Variants in PISD observed in about 807,000 individuals in gnomAD.
The protein encoded by PISD is phosphatidylserine decarboxylase.
A neutral mutation model predicts 43.5 loss-of-function variants in PISD; 31 were observed. The ratio of observed to expected loss-of-function variants is 0.71; its 90% CI spans 0.54 to 0.96. The LOEUF (loss-of-function observed/expected upper bound fraction) is 0.96. Among genes scored for constraint, PISD ranks in the 40% least tolerant of loss-of-function variants. The probability of loss-of-function intolerance (pLI) is 0.00; values close to 1 mark genes in which losing one functional copy is unlikely to be tolerated. For synonymous variants in PISD, 259 were observed against 228.7 expected, an observed-to-expected ratio of 1.13 and a Z score of -1.20; for missense variants, 523 against 548.4, an observed-to-expected ratio of 0.95 and a Z score of 0.46.
intron 3 of PISD, among the ~76,000 whole-genome samples, chr22:31,646,683 G>A (rs1199150246): frequency 6.6e-6 from 1 of 152,162 alleles, no homozygotes; most frequent in Non-Finnish European, 1.5e-5. Context: ...GGGGGGTCAT[G>A]CAGTCACAGT....
chr22:31,620,536 G>T lies in PISD; in HGVS notation c.1005+17C>A. On this transcript the variant is annotated intron_variant, in intron 7 of 7. Coordinates refer to ENST00000439502, the MANE Select transcript of PISD (RefSeq NM_001326411.2). ...GGTCTGGCCCTTGGGCTTTGGCAGG[G>T]CCTAGATCCTGCTTACCCGGTCAAA... The T allele has an allele frequency of 3.7e-6, 6 of 1,613,724 alleles. No homozygotes were observed. The highest frequency in any genetic ancestry group is 4.2e-6 in the Non-Finnish European group (5 of 1,179,642).
upstream of PISD, chr22:31,662,308 C>CG: frequency 7.9e-7 from 1 of 1,266,468 alleles, no homozygotes. Flanking sequence ...GAGAAAAGCG[C>CG]GGGTTGGGGG....
At chr22:31,647,412 A>G (rs1332776804) in intron 3 of PISD, among the ~76,000 whole-genome samples, 1 of 152,226 alleles carries the variant, frequency 6.6e-6, no homozygotes, top group East Asian at 1.9e-4. Flanking sequence ...GATATCACAA[A>G]GCCTCAACTG....
intron 2 of PISD, among the ~76,000 whole-genome samples, chr22:31,649,625 C>T (rs1358721193): frequency 2.6e-5 from 4 of 151,666 alleles, no homozygotes; most frequent in Admixed American, 6.6e-5. Flanking sequence ...CCCAGCTACT[C>T]GGGAGGCTGA....
intron 1 of PISD, among the ~76,000 whole-genome samples, chr22:31,657,264 T>C (rs2074205781): frequency 6.6e-6 from 1 of 151,446 alleles, no homozygotes; most frequent in East Asian, 2.0e-4. Flanking sequence ...GCCTCCCGAG[T>C]AGCTGGGATT....
chr22:31,650,649 AC>A (rs2074006551), intron 2 of PISD, 49 bp downstream of exon 2: 1 of 1,090,540 alleles, frequency 9.2e-7, no homozygotes, highest in Non-Finnish European at 1.4e-6. Context: ...TTTACAGATG[AC>A]CAAACTGAGG....
chr22:31,619,539 G>A lies in PISD; in HGVS notation c.*73C>T. On this transcript the variant is annotated 3_prime_UTR_variant, in exon 8 of 8. Transcript: ENST00000439502. ...CAGGCCCTTACCTGGATGGCCTCAT[G>A]GGCCTCCCTCTTGAAAAGACCCTCA... 1.6e-6 allele frequency: 2 copies of A among 1,287,496 alleles called. No homozygotes were observed. The highest frequency in any genetic ancestry group is 2.2e-6 in the Non-Finnish European group (2 of 894,740). The allele number at this position is 1,287,496 out of a possible 1,614,324, so 79.8% of individuals were successfully genotyped here.
chr22:31,660,941 G>T (rs1043069859), intron 1 of PISD, among the ~76,000 whole-genome samples: 1 of 152,006 alleles, frequency 6.6e-6, no homozygotes, highest in African/African-American at 2.4e-5. Flanking sequence ...CACCACATTG[G>T]CCAGGCTGGT....
intron 1 of PISD, 135 bp downstream of exon 1, chr22:31,662,009 C>T: frequency 1.3e-6 from 1 of 760,388 alleles, no homozygotes; most frequent in South Asian, 1.5e-5. Context: ...TGCTCCTAAG[C>T]TCGAGGTGAA....
rs771417980 is a variant in PISD at position 31,621,697 on chromosome 22, C to T, written c.510G>A (p.Arg170=). Reference sequence around the variant, plus strand: ...GCCGGGCCTGCGGCTTCAGCTTGCGCCGGAAGAACTCGCTGAGGTTGCGGT... The same window carrying T: ...GCCGGGCCTGCGGCTTCAGCTTGCGTCGGAAGAACTCGCTGAGGTTGCGGT... ...HHYRNLSEFF[R]RKLKPQARPV... is the part of the protein sequence containing the mutation. The change falls in exon 4 of 8, where the codon CGG becomes CGA. Residue 170 remains arginine, a synonymous_variant. Transcript: ENST00000439502. The T allele has an allele frequency of 1.1e-5, 18 of 1,613,874 alleles. No individual in the cohort carries two copies. The South Asian group carries it at 1.9e-4, about 17-fold the overall frequency.
Position 31,648,235 on chromosome 22 carries a change from G to A in PISD, c.187C>T (p.Leu63=). The A allele has an allele frequency of 6.2e-7, 1 of 1,611,850 alleles. No individual in the cohort carries two copies. Among genetic ancestry groups the A allele is most frequent in the Non-Finnish European group, 8.5e-7 (1 of 1,179,538 alleles). The stretch of plus-strand genomic sequence containing the variant: ...AACAGAATGGGCAGGGGACGCAGCA[G>A]GAACATGGTTCGGGCAGGGGCAGTG... ...IHTAPARTMF[L]LRPLPILLVT... is the part of the protein sequence containing the mutation. Residue 63 remains leucine (L), a synonymous_variant, in exon 3 of 8, where the codon CTG becomes TTG. Transcript: ENST00000439502.
chr22:31,626,212 GC>G (rs1411743402), intron 3 of PISD: 2 of 288,946 alleles, frequency 6.9e-6, no homozygotes, highest in East Asian at 2.0e-4. Context: ...GCAGTAGGGG[GC>G]AAGGCCCTAG....
chr22:31,645,931 C>T (rs1348574503), intron 3 of PISD, among the ~76,000 whole-genome samples: 1 of 150,898 alleles, frequency 6.6e-6, no homozygotes, highest in Admixed American at 6.6e-5. Flanking sequence ...ACTTGGGTCA[C>T]ATCCCCAAGT....
At chr22:31,624,831 A>AG (rs2072808423) in intron 3 of PISD, among the ~76,000 whole-genome samples, 3 of 152,010 alleles carry the variant, frequency 2.0e-5, no homozygotes, top group Admixed American at 2.0e-4. Flanking sequence ...GCACAAATGC[A>AG]GGGCACTCAG....
At chr22:31,644,545 T>G (rs2088097980) in intron 3 of PISD, among the ~76,000 whole-genome samples, 1 of 152,080 alleles carries the variant, frequency 6.6e-6, no homozygotes, top group African/African-American at 2.4e-5. Context: ...AGCCTCAAAT[T>G]CATAATTTTT....
chr22:31,625,757 T>TCTCACCATTTCGCCGCG (rs2072872294), intron 3 of PISD: 2 of 1,582,632 alleles, frequency 1.3e-6, no homozygotes, highest in Non-Finnish European at 1.7e-6. Context: ...GTGGGCAGCA[T>TCTCACCATTTCGCCGCG]CTCACCATTT....
At position 31,619,522 on chromosome 22, in the gene PISD, T is replaced by C. The variant is rs2147597951; in HGVS notation, c.*90A>G. 2 of 1,026,362 alleles carry C rather than the reference T, an allele frequency of 1.9e-6. No homozygotes were observed. Among genetic ancestry groups the C allele is most frequent in the South Asian group, 1.3e-5 (1 of 74,526 alleles). 63.6% of individuals were successfully genotyped at this position (1,026,362 alleles called of 1,614,324 possible). A position where few individuals can be genotyped will look rare whatever the true frequency, so the allele number is the denominator to read the frequency against. On this transcript the variant is annotated 3_prime_UTR_variant, in exon 8 of 8. Coordinates refer to ENST00000439502, the MANE Select transcript of PISD (RefSeq NM_001326411.2). Reference sequence around the variant, plus strand: ...TCCCAACCACGCTGAGGCAGGCCCTTACCTGGATGGCCTCATGGGCCTCCC... The same window carrying C: ...TCCCAACCACGCTGAGGCAGGCCCTCACCTGGATGGCCTCATGGGCCTCCC...
intron 3 of PISD, chr22:31,629,232 G>T (rs1157753214): frequency 1.0e-6 from 1 of 985,140 alleles, no homozygotes; most frequent in Non-Finnish European, 1.2e-6. Flanking sequence ...ATTGTTGTGC[G>T]TGAGGGGTAG....
At chr22:31,623,930 G>A in intron 3 of PISD, 1 of 1,342,172 alleles carries the variant, frequency 7.5e-7, no homozygotes, top group Non-Finnish European at 1.0e-6. Context: ...CTGCACCCAG[G>A]GCAGGATTCC....
Sources: allele counts gnomAD v4.1 joint callset (sites outside exome capture counted in the v4.1 genomes callset), GRCh38; gene constraint gnomAD v4.1.1; transcripts MANE v1.5; gene names NCBI Gene and HGNC (gene_info 2026-07-23, HGNC 2026-07-21).